FKBP15: variants seen among roughly 807,000 people sequenced by gnomAD.
FKBP15 encodes the protein FK506-binding protein 15.
In FKBP15, 106 loss-of-function variants were observed where a neutral mutation model predicts 158.1. The ratio of observed to expected loss-of-function variants is 0.67; its 90% confidence interval spans 0.57 to 0.79. The LOEUF is 0.79. Ranked by LOEUF, FKBP15 falls within the 30% of genes least tolerant of loss-of-function variation. The pLI is 0.00. For synonymous variants in FKBP15, 547 were observed against 548.6 expected, an observed-to-expected ratio of 1.00 and a Z score of 0.04; for missense variants, 1,287 against 1,479.1, an observed-to-expected ratio of 0.87 and a Z score of 2.13.
At chr9:113,178,896 G>A in intron 19 of FKBP15, 95 bp from the exon 20 acceptor site, 4 of 1,248,912 alleles carry the variant, frequency 3.2e-6, no homozygotes, top group Non-Finnish European at 4.3e-6. Flanking sequence ...GACTGAACTA[G>A]TAAACAGGGA....
chr9:113,182,671 ATTCTGT>A, intron 19 of FKBP15, 89 bp downstream of exon 19: 1 of 916,844 alleles, frequency 1.1e-6, no homozygotes. Flanking sequence ...GACTGCAAAA[ATTCTGT>A]TGGAAAGCCG....
At chr9:113,213,371 T>C (rs1831053689) in intron 1 of FKBP15, among the ~76,000 whole-genome samples, 1 of 150,450 alleles carries the variant, frequency 6.6e-6, no homozygotes, top group Admixed American at 6.6e-5. Context: ...ATCACGCCAC[T>C]GCACTCCAGC....
At chr9:113,203,556 G>GTC (rs1830833394) in intron 4 of FKBP15, among the ~76,000 whole-genome samples, 1 of 150,240 alleles carries the variant, frequency 6.7e-6, no homozygotes, top group Non-Finnish European at 1.5e-5. Context: ...TTGAGACAGA[G>GTC]TCTCTCTGTC....
intron 13 of FKBP15, 92 bp downstream of exon 13, chr9:113,188,297 G>T: frequency 9.8e-7 from 1 of 1,017,908 alleles, no homozygotes; most frequent in Non-Finnish European, 1.5e-6. Context: ...CCTCAGTACT[G>T]AAACAATGCA....
rs566755684 is a variant in FKBP15, at chr9:113,164,071, A to AGAT, written c.*2004_*2006dup. On this transcript the variant is annotated 3_prime_UTR_variant, in exon 28 of 28. Coordinates refer to ENST00000238256, the MANE Select transcript of FKBP15 (RefSeq NM_015258.2). Reference sequence around the variant, plus strand: ...TAAATACCTCACAGATTAGATGAAAAGATGGTTGTAAGCTTTGGGAATTAA... The same window carrying AGAT: ...TAAATACCTCACAGATTAGATGAAAAGATGATGGTTGTAAGCTTTGGGAATTAA... The AGAT allele has an allele frequency of 1.1e-4, 17 of 152,374 alleles. No individual in the cohort carries two copies. The East Asian group carries it at 3.1e-3, about 28-fold the overall frequency. 9.4% of individuals were successfully genotyped at this position (152,374 alleles called of 1,614,324 possible).
rs1415948085 is a variant in FKBP15, at chr9:113,161,762, C to T, written c.*4316G>A. On this transcript the variant is annotated 3_prime_UTR_variant, in exon 28 of 28. Transcript: ENST00000238256. ...CATTCACCCTGAGAGACAGGCTGGCCCAGACAGCATTAGCCCCACTTCACA... is the reference window on the plus strand; with the variant it reads ...CATTCACCCTGAGAGACAGGCTGGCTCAGACAGCATTAGCCCCACTTCACA... 6.4e-7 allele frequency: 1 copy of T among 1,560,142 alleles called. No individual in the cohort carries two copies. The highest frequency in any genetic ancestry group is 1.1e-5 in the South Asian group (1 of 89,766).
At position 113,183,802 on chromosome 9, in the gene FKBP15, C is replaced by T. The variant is rs749402432; in HGVS notation, c.1760G>A (p.Arg587Gln). The change falls in exon 18 of 28, where the codon CGG (arginine) becomes CAG (glutamine). Residue 587 changes from arginine (R) to glutamine (Q), a missense_variant. By Grantham distance (43) the Arg-to-Gln change is conservative (BLOSUM62 1). Coordinates refer to ENST00000238256, the MANE Select transcript of FKBP15 (RefSeq NM_015258.2). ...AATCTTGTCATTCTGTTCTTCTATC[C>T]GATTGCTCTTTTCAAGGATCTCTTG... ...LKQEILEKSN[R>Q]IEEQNDKISE... 28 of 1,613,530 alleles carry T rather than the reference C, an allele frequency of 1.7e-5. No homozygotes were observed. Among genetic ancestry groups the T allele is most frequent in the Middle Eastern group, 1.7e-4 (1 of 6,060 alleles).
intron 1 of FKBP15, among the ~76,000 whole-genome samples, chr9:113,217,944 T>C (rs1831172702): frequency 6.6e-6 from 1 of 152,182 alleles, no homozygotes; most frequent in African/African-American, 2.4e-5. Context: ...AGAATGAGCT[T>C]GCTAACTCTG....
Position 113,169,389 on chromosome 9 carries a change from G to A in FKBP15, c.3320C>T (p.Pro1107Leu), listed in dbSNP as rs773140343. 1 of 1,614,030 alleles carries A rather than the reference G, an allele frequency of 6.2e-7. No individual in the cohort carries two copies. The highest frequency in any genetic ancestry group is 1.7e-5 in the Admixed American group (1 of 60,038). The stretch of plus-strand genomic sequence containing the variant: ...TGGGCTTTCAGGCCCTAAGGCCAGT[G>A]GGTCCCCCTCCTCGGGGTCTGAAGT... ...SLTSDPEEGDPLALGPESPGE... is the reference protein window; with the variant it reads ...SLTSDPEEGDLLALGPESPGE... The change falls in exon 26 of 28, where the codon CCA (proline) becomes CTA (leucine). Residue 1107 changes from proline to leucine, a missense_variant. By Grantham distance (98) the Pro-to-Leu change is moderately conservative. Coordinates refer to ENST00000238256, the MANE Select transcript of FKBP15 (RefSeq NM_015258.2).
chr9:113,204,244 A>AT (rs993355677), intron 4 of FKBP15, among the ~76,000 whole-genome samples: 1 of 151,918 alleles, frequency 6.6e-6, no homozygotes, highest in African/African-American at 2.4e-5. Context: ...CACCTGGCTA[A>AT]TTTTTTTGTA....
At chr9:113,205,380 GA>G (rs1273091378) in intron 4 of FKBP15, among the ~76,000 whole-genome samples, 1 of 152,108 alleles carries the variant, frequency 6.6e-6, no homozygotes, top group African/African-American at 2.4e-5. Context: ...TCTCTCCACA[GA>G]AAATACATGA....
intron 23 of FKBP15, 92 bp from the exon 24 acceptor site, chr9:113,171,798 CTTT>C (rs200502042): frequency 9.1e-4 from 754 of 831,548 alleles, no homozygotes; most frequent in Non-Finnish European, 9.8e-4. Context: ...CATCAAGTCT[CTTT>C]TTTTTTTTTT....
At chr9:113,182,591 A>G (rs1830418075) in intron 19 of FKBP15, among the ~76,000 whole-genome samples, 175 bp downstream of exon 19, 1 of 152,206 alleles carries the variant, frequency 6.6e-6, no homozygotes, top group Admixed American at 6.5e-5. Context: ...TGCGAAGCAT[A>G]TTATAAAACA....
chr9:113,190,352 A>G (rs1348945361), intron 12 of FKBP15, 119 bp downstream of exon 12: 13 of 798,476 alleles, frequency 1.6e-5, no homozygotes, highest in Non-Finnish European at 2.7e-5. Context: ...ATCATTTTGC[A>G]TATTAGCTCT....
In FKBP15 at chr9:113,206,446, A is replaced by G. The variant is rs978646811; in HGVS notation, c.324+63T>C. 4 of 1,354,174 alleles carry G rather than the reference A, an allele frequency of 3.0e-6. No homozygotes were observed. In the Admixed American group the frequency reaches 5.2e-5, roughly 18 times the overall value. 83.9% of individuals were successfully genotyped at this position (1,354,174 alleles called of 1,614,324 possible). ...ACAAGACATCGGGCAAGCCAGATAA[A>G]AGCCAGCTCATTGGTATTATTTGGG... On this transcript the variant is annotated intron_variant, in intron 4 of 27. Transcript: ENST00000238256.
At chr9:113,182,138 C>T (rs138936247) in intron 19 of FKBP15, among the ~76,000 whole-genome samples, 7 of 152,266 alleles carry the variant, frequency 4.6e-5, no homozygotes, top group Admixed American at 2.0e-4. Context: ...AACACAAATA[C>T]AAAATATAAA....
Position 113,181,505 on chromosome 9 carries a change from A to G in FKBP15, c.1914+1261T>C, listed in dbSNP as rs140265429. Among the ~76,000 whole-genome samples, 902 of 152,286 alleles carry G rather than the reference A, an allele frequency of 5.9e-3. 11 individuals are homozygous for G. The highest frequency in any genetic ancestry group is 0.027 in the Admixed American group (417 of 15,308). On this transcript the variant is annotated intron_variant, in intron 19 of 27. Coordinates refer to ENST00000238256, the MANE Select transcript of FKBP15 (RefSeq NM_015258.2). ...GCAGTAATTCCTACACCTGGAATCT[A>G]TAGGATCTTTTTAAAAGTTCAGATT...
In FKBP15 at chr9:113,183,786, A is replaced by G. The variant is rs1173483766; in HGVS notation, c.1776T>C (p.Asn592=). 6 of 1,613,536 alleles carry G rather than the reference A, an allele frequency of 3.7e-6. No individual in the cohort carries two copies. Among genetic ancestry groups the G allele is most frequent in the Non-Finnish European group, 5.1e-6 (6 of 1,179,686 alleles). ...GTTCAATTAGTTCACTAATCTTGTC[A>G]TTCTGTTCTTCTATCCGATTGCTCT... ...LEKSNRIEEQ[N]DKISELIERN... Residue 592 remains asparagine, a synonymous_variant, in exon 18 of 28, where the codon AAT becomes AAC. Transcript: ENST00000238256.
chr9:113,182,808 T>A lies in FKBP15; in HGVS notation c.1872A>T (p.Thr624=). 6.2e-7 allele frequency: 1 copy of A among 1,613,850 alleles called. No individual in the cohort carries two copies. The highest frequency in any genetic ancestry group is 8.5e-7 in the Non-Finnish European group (1 of 1,179,766). ...GCAATACTCTTGCCTGTGTGTTTTCTGTGGCTGTCTGAAGTGAGTTGTTCC... is the reference window on the plus strand; with the variant it reads ...GCAATACTCTTGCCTGTGTGTTTTCAGTGGCTGTCTGAAGTGAGTTGTTCC... ...EKRNNSLQTA[T]ENTQARVLHA... is the part of the protein sequence containing the mutation. The change falls in exon 19 of 28, where the codon ACA becomes ACT. Residue 624 remains threonine (T), a synonymous_variant. Coordinates refer to ENST00000238256, the MANE Select transcript of FKBP15 (RefSeq NM_015258.2).
Sources: allele counts gnomAD v4.1 joint callset (sites outside exome capture counted in the v4.1 genomes callset), GRCh38; gene constraint gnomAD v4.1.1; transcripts MANE v1.5; gene names NCBI Gene and HGNC (gene_info 2026-07-23, HGNC 2026-07-21).